Variants in LRRC4C observed in about 807,000 individuals in gnomAD.
The protein encoded by LRRC4C is leucine-rich repeat-containing protein 4C.
A neutral mutation model predicts 33.6 loss-of-function variants in LRRC4C; 5 were observed. The observed-to-expected ratio is 0.15, with a 90% CI of 0.08 to 0.31. The LOEUF is 0.31. Among genes scored for constraint, LRRC4C ranks in the 10% least tolerant of loss-of-function variants. LRRC4C has a pLI of 1.00. For missense variants in LRRC4C, 560 were observed against 796.7 expected, an observed-to-expected ratio of 0.70 and a Z score of 3.58; for synonymous variants, 329 against 302.0, an observed-to-expected ratio of 1.09 and a Z score of -0.93.
intron 3 of LRRC4C, among the ~76,000 whole-genome samples, chr11:40,572,903 C>T (rs978616887): frequency 1.3e-5 from 2 of 152,094 alleles, no homozygotes; most frequent in Non-Finnish European, 2.9e-5. Context: ...AAATAAAATG[C>T]TTATCATTTT....
chr11:40,582,039 T>G (rs546879329), intron 3 of LRRC4C, among the ~76,000 whole-genome samples: 1 of 152,312 alleles, frequency 6.6e-6, no homozygotes, highest in African/African-American at 2.4e-5. Context: ...AGAAAAGTTA[T>G]AGTCCATCTA....
intron 3 of LRRC4C, among the ~76,000 whole-genome samples, chr11:40,403,474 C>G (rs1415950154): frequency 1.3e-5 from 2 of 152,078 alleles, no homozygotes; most frequent in Non-Finnish European, 2.9e-5. Flanking sequence ...AAATTGAAAG[C>G]AAGACCGAAT....
At chr11:40,251,852 A>C (rs763801456) in intron 4 of LRRC4C, among the ~76,000 whole-genome samples, 1 of 152,210 alleles carries the variant, frequency 6.6e-6, no homozygotes, top group Admixed American at 6.5e-5. Flanking sequence ...AGCAAAGAAC[A>C]CATGTTCATT....
intron 2 of LRRC4C, among the ~76,000 whole-genome samples, chr11:40,778,645 G>A (rs1244526906): frequency 6.6e-6 from 1 of 152,168 alleles, no homozygotes; most frequent in African/African-American, 2.4e-5. Flanking sequence ...GAAGGAAAAA[G>A]GGGCTGGCTA....
intron 2 of LRRC4C, among the ~76,000 whole-genome samples, chr11:40,667,095 C>T (rs534286273): frequency 6.6e-6 from 1 of 152,238 alleles, no homozygotes; most frequent in Non-Finnish European, 1.5e-5. Context: ...AATCTGACTT[C>T]AACAGAAATT....
rs567087092 is a variant in LRRC4C at position 41,458,323 on chromosome 11, C to A, written c.-496+1108G>T. Among the ~76,000 whole-genome samples, 11 of 152,266 alleles carry A rather than the reference C, an allele frequency of 7.2e-5. No individual in the cohort carries two copies. In the South Asian group the frequency reaches 2.1e-3, roughly 29 times the overall value. On this transcript the variant is annotated intron_variant, in intron 1 of 6. Coordinates refer to ENST00000528697, the MANE Select transcript of LRRC4C (RefSeq NM_001258419.2). The stretch of plus-strand genomic sequence containing the variant: ...GCACTGGCAGATGAAGAGTAAGATT[C>A]TGTTGCCTTCATGTGAGGTCTCAGC...
intron 1 of LRRC4C, among the ~76,000 whole-genome samples, chr11:41,288,325 A>G (rs1352213078): frequency 6.6e-6 from 1 of 152,188 alleles, no homozygotes; most frequent in Non-Finnish European, 1.5e-5. Flanking sequence ...ACTTGGGGAA[A>G]ATAATGTCCT....
intron 1 of LRRC4C, among the ~76,000 whole-genome samples, chr11:41,073,422 C>T (rs1015854874): frequency 2.8e-4 from 42 of 152,194 alleles, no homozygotes; most frequent in Middle Eastern, 3.4e-3. Flanking sequence ...AGATCTACCC[C>T]GGTGATGATT....
chr11:40,389,605 G>A (rs1001585102), intron 3 of LRRC4C, among the ~76,000 whole-genome samples: 1 of 152,094 alleles, frequency 6.6e-6, no homozygotes, highest in African/African-American at 2.4e-5. Context: ...AATTCCAAGT[G>A]GAGTAACATC....
At chr11:41,420,838 C>G (rs1452205093) in intron 1 of LRRC4C, among the ~76,000 whole-genome samples, 1 of 151,990 alleles carries the variant, frequency 6.6e-6, no homozygotes. Flanking sequence ...ATGACCAAAA[C>G]AGTGCCTGGT....
chr11:41,325,566 G>GTTTTTT (rs71466927), intron 1 of LRRC4C, among the ~76,000 whole-genome samples: 58 of 106,536 alleles, frequency 5.4e-4, no homozygotes, highest in African/African-American at 2.2e-3. Flanking sequence ...TGTCCTTATA[G>GTTTTTT]TTTTTTTTTT....
At position 40,162,162 on chromosome 11, in the gene LRRC4C, GA is replaced by G. The variant is rs201840630; in HGVS notation, c.-95-21310del. 6.6e-3 allele frequency among the ~76,000 whole-genome samples: 879 copies of G among 132,832 alleles called. 9 individuals carry two copies. The highest frequency in any genetic ancestry group is 0.017 in the African/African-American group (619 of 36,390). 87.1% of individuals were successfully genotyped at this position (132,832 alleles called of 152,430 possible). ...ATTGTCTGGAAAACTGGTTCCAGAA[GA>G]AAAAAAAAAAAAGACTGACCGTTAT... On this transcript the variant is annotated intron_variant, in intron 5 of 6. Transcript: ENST00000528697.
At chr11:40,838,909 GA>G (rs200842549) in intron 2 of LRRC4C, among the ~76,000 whole-genome samples, 120 of 149,680 alleles carry the variant, frequency 8.0e-4, no homozygotes, top group Middle Eastern at 3.5e-3. Context: ...TTGATAATCA[GA>G]AAAAAAAATG....
Position 41,009,622 on chromosome 11 carries a change from G to A in LRRC4C, c.-495-75899C>T, listed in dbSNP as rs149623457. Among the ~76,000 whole-genome samples the A allele has an allele frequency of 1.4e-4, 22 of 152,132 alleles. No homozygotes were observed. In the East Asian group the frequency reaches 4.1e-3, roughly 28 times the overall value. On this transcript the variant is annotated intron_variant, in intron 1 of 6. Transcript: ENST00000528697. The stretch of plus-strand genomic sequence containing the variant: ...GCAGAAGCCTCAGTCAGACCCTCAG[G>A]CATGCTTAGTTTAGCTATCATAAAA...
intron 1 of LRRC4C, among the ~76,000 whole-genome samples, chr11:41,321,809 A>C (rs1007164393): frequency 1.3e-5 from 2 of 152,174 alleles, no homozygotes; most frequent in Non-Finnish European, 2.9e-5. Context: ...AATTATAGCA[A>C]AGGAGTAGCC....
At chr11:40,702,226 A>G (rs972153354) in intron 2 of LRRC4C, among the ~76,000 whole-genome samples, 17 of 152,100 alleles carry the variant, frequency 1.1e-4, no homozygotes, top group African/African-American at 4.1e-4. Flanking sequence ...TCAAAGAAAA[A>G]TGTAGTATAA....
chr11:41,448,336 C>T (rs868517563), intron 1 of LRRC4C, among the ~76,000 whole-genome samples: 49 of 110,158 alleles, frequency 4.4e-4, no homozygotes, highest in Middle Eastern at 0.019. Context: ...GATGGAGTTT[C>T]ACTCTGCTGC....
rs559586335 is a variant in LRRC4C at position 40,889,582 on chromosome 11, A to G, written c.-407+44053T>C. Among the ~76,000 whole-genome samples, 9 of 152,268 alleles carry G rather than the reference A, an allele frequency of 5.9e-5. No homozygotes were observed. The South Asian group carries it at 1.9e-3, about 32-fold the overall frequency. ...TTTTTTGAATAAAATTATATGCTAT[A>G]TAACGTGCATTATTTGTAGTTCCAG... On this transcript the variant is annotated intron_variant, in intron 2 of 6. Transcript: ENST00000528697.
At chr11:40,540,501 T>A (rs529517023) in intron 3 of LRRC4C, among the ~76,000 whole-genome samples, 1 of 152,262 alleles carries the variant, frequency 6.6e-6, no homozygotes, top group East Asian at 1.9e-4. Flanking sequence ...TGACCAAATA[T>A]TTTATAAATT....
Sources: gnomAD v4.1 joint callset for allele counts (sites outside exome capture counted in the v4.1 genomes callset) on GRCh38, gnomAD v4.1.1 for gene constraint, MANE v1.5 for transcripts, NCBI Gene and HGNC (gene_info 2026-07-23, HGNC 2026-07-21) for gene names.